Variants in XKR9 observed in about 807,000 individuals in gnomAD.
XKR9 encodes the protein XK related 9.
In XKR9, 32 loss-of-function variants were observed where a neutral mutation model predicts 32.0. That is an observed-to-expected ratio of 1.00 (90% confidence interval 0.76 to 1.34). The LOEUF (loss-of-function observed/expected upper bound fraction) is 1.34. Among genes scored for constraint, XKR9 ranks in the 40% most tolerant of loss-of-function variants. XKR9 has a pLI of 0.00. For synonymous variants in XKR9, 168 were observed against 143.4 expected, an observed-to-expected ratio of 1.17 and a Z score of -1.22; for missense variants, 546 against 429.7, an observed-to-expected ratio of 1.27 and a Z score of -2.39.
the XKR9 span, among the ~76,000 whole-genome samples, chr8:71,013,974 A>C: frequency 6.6e-6 from 1 of 152,050 alleles, no homozygotes; most frequent in African/African-American, 2.4e-5. Context: ...CCAGGTCTAG[A>C]GATAGACCTG....
At chr8:70,695,940 A>AT (rs1805256991) in intron 3 of XKR9, among the ~76,000 whole-genome samples, 1 of 150,554 alleles carries the variant, frequency 6.6e-6, no homozygotes, top group Non-Finnish European at 1.5e-5. Flanking sequence ...GATGGTGAGC[A>AT]TTTTTTCATG....
At chr8:70,820,796 A>G in the XKR9 span, among the ~76,000 whole-genome samples, 11 of 152,116 alleles carry the variant, frequency 7.2e-5, no homozygotes, top group African/African-American at 1.4e-4. Context: ...CATGAAGAGC[A>G]TGGGGGAAAC....
the XKR9 span, among the ~76,000 whole-genome samples, chr8:70,800,357 C>T: frequency 6.6e-6 from 1 of 151,988 alleles, no homozygotes; most frequent in Non-Finnish European, 1.5e-5. Flanking sequence ...GGTTTGGTAT[C>T]AGGATGATGC....
At chr8:70,907,253 T>C in the XKR9 span, among the ~76,000 whole-genome samples, 209 of 152,372 alleles carry the variant, frequency 1.4e-3, no homozygotes, top group African/African-American at 4.8e-3. Flanking sequence ...TGTGGACTAA[T>C]AGATATTTTC....
At chr8:70,962,975 T>G in the XKR9 span, among the ~76,000 whole-genome samples, 4 of 152,190 alleles carry the variant, frequency 2.6e-5, no homozygotes, top group Admixed American at 2.6e-4. Context: ...TTTCTTCAAC[T>G]TATATTTTAA....
the XKR9 span, among the ~76,000 whole-genome samples, chr8:71,007,763 G>A: frequency 1.3e-5 from 2 of 152,032 alleles, no homozygotes; most frequent in Non-Finnish European, 2.9e-5. Flanking sequence ...CTATCTCTGG[G>A]TAGGTGAGAA....
chr8:70,906,297 A>G, the XKR9 span, among the ~76,000 whole-genome samples: 2 of 152,192 alleles, frequency 1.3e-5, no homozygotes, highest in African/African-American at 2.4e-5. Flanking sequence ...ATGTATCTGT[A>G]AGTAAATTTT....
At chr8:70,854,697 G>A in the XKR9 span, among the ~76,000 whole-genome samples, 48 of 152,136 alleles carry the variant, frequency 3.2e-4, no homozygotes, top group Non-Finnish European at 6.2e-4. Context: ...ATTAATTTTT[G>A]TATGAGGTGT....
the XKR9 span, among the ~76,000 whole-genome samples, chr8:70,811,628 A>T: frequency 6.6e-6 from 1 of 152,364 alleles, no homozygotes; most frequent in East Asian, 1.9e-4. Context: ...GATCCCACAG[A>T]AATACAAACT....
chr8:70,947,823 A>G, the XKR9 span, among the ~76,000 whole-genome samples: 1,048 of 152,358 alleles, frequency 6.9e-3, 10 homozygotes, highest in African/African-American at 0.024. Flanking sequence ...TAATCACTCC[A>G]GGAAACTGTA....
chr8:70,744,301 A>T (rs1220544468), intron 2 of XKR9, among the ~76,000 whole-genome samples: 3 of 118,722 alleles, frequency 2.5e-5, no homozygotes, highest in African/African-American at 9.6e-5. Context: ...ACAGAGCGAG[A>T]CTTCGCCTCA....
At chr8:70,857,434 A>T in the XKR9 span, among the ~76,000 whole-genome samples, 1 of 152,220 alleles carries the variant, frequency 6.6e-6, no homozygotes, top group Non-Finnish European at 1.5e-5. Context: ...GAAGAAGTTG[A>T]ATCTGAATAG....
intron 2 of XKR9, among the ~76,000 whole-genome samples, chr8:70,750,712 C>T (rs931088768): frequency 2.0e-5 from 3 of 152,056 alleles, no homozygotes; most frequent in Admixed American, 6.5e-5. Context: ...TAGACTAAAA[C>T]CATTAAACTT....
intron 2 of XKR9, among the ~76,000 whole-genome samples, chr8:70,677,341 TTTCACCA>T (rs1818919413): frequency 6.6e-6 from 1 of 151,756 alleles, no homozygotes; most frequent in Middle Eastern, 3.2e-3. Context: ...AGAGGTGGGG[TTTCACCA>T]TGTTGCCCAG....
the XKR9 span, among the ~76,000 whole-genome samples, chr8:70,852,513 T>G: frequency 6.6e-6 from 1 of 151,226 alleles, no homozygotes; most frequent in Admixed American, 6.6e-5. Flanking sequence ...TCATTCTACT[T>G]TTATAAATCA....
In XKR9 at chr8:70,748,529, G is replaced by A. The variant is rs186121545; in HGVS notation, n.353-40810G>A. On this transcript the variant is annotated intron_variant and non_coding_transcript_variant, in intron 2 of 3. Coordinates refer to the XKR9 transcript ENST00000520273. The stretch of plus-strand genomic sequence containing the variant: ...CAACCTTGGCTCCCTCTAGACTTTG[G>A]GTACTGACAAGCGTGGGAGGGAGGC... Among the ~76,000 whole-genome samples the A allele has an allele frequency of 2.6e-4, 39 of 152,236 alleles. 1 individual carries two copies. Among genetic ancestry groups the A allele is most frequent in the African/African-American group, 9.2e-4 (38 of 41,460 alleles).
At chr8:70,765,201 TC>T (rs1009504277) in intron 2 of XKR9, among the ~76,000 whole-genome samples, 2 of 152,180 alleles carry the variant, frequency 1.3e-5, no homozygotes, top group Admixed American at 6.5e-5. Flanking sequence ...TAATTTACAC[TC>T]CCACCAACAG....
At chr8:70,796,903 A>T in the XKR9 span, among the ~76,000 whole-genome samples, 16 of 152,326 alleles carry the variant, frequency 1.1e-4, no homozygotes, top group East Asian at 2.9e-3. Context: ...GACAAACATG[A>T]CAGTGGCAGA....
chr8:70,688,618 A>T (rs268635), intron 3 of XKR9, among the ~76,000 whole-genome samples: 1 of 151,456 alleles, frequency 6.6e-6, no homozygotes, highest in Non-Finnish European at 1.5e-5. Flanking sequence ...GGGTTTCACC[A>T]TGTTAGCCAG....
Sources: allele counts gnomAD v4.1 joint callset (sites outside exome capture counted in the v4.1 genomes callset), GRCh38; gene constraint gnomAD v4.1.1; transcripts MANE v1.5; gene names NCBI Gene and HGNC (gene_info 2026-07-23, HGNC 2026-07-21).